The following TBXAS1 variants were observed in gnomAD, a reference collection of about 807,000 sequenced individuals.
TBXAS1 encodes the protein thromboxane-A synthase.
A neutral mutation model predicts 60.7 loss-of-function variants in TBXAS1; 48 were observed. The ratio of observed to expected loss-of-function variants is 0.79; its 90% CI spans 0.63 to 1.01. The LOEUF (loss-of-function observed/expected upper bound fraction) is 1.01, where lower values mean the gene tolerates loss of function less well. TBXAS1 is among the 50% of genes least tolerant of loss of function. TBXAS1 has a pLI of 0.00. For synonymous variants in TBXAS1, 287 were observed against 269.7 expected (o/e 1.06, Z -0.63); for missense variants, 685 against 686.3 (o/e 1.00, Z 0.02).
intron 9 of TBXAS1, among the ~76,000 whole-genome samples, chr7:139,978,575 G>A (rs1444147501): frequency 6.6e-6 from 1 of 151,680 alleles, no homozygotes; most frequent in Non-Finnish European, 1.5e-5. Context: ...TTGAACACGC[G>A]CTCTGTTCTT....
At chr7:139,835,825 A>G (rs1354132780) in intron 1 of TBXAS1, among the ~76,000 whole-genome samples, 1 of 152,182 alleles carries the variant, frequency 6.6e-6, no homozygotes, top group Non-Finnish European at 1.5e-5. Context: ...ATTGCTAAAG[A>G]GGAAGTCAAA....
chr7:139,868,652 A>ATTTT (rs71170918), intron 1 of TBXAS1, among the ~76,000 whole-genome samples: 7 of 105,032 alleles, frequency 6.7e-5, no homozygotes, highest in Non-Finnish European at 1.2e-4. Context: ...CCTGGCTAAT[A>ATTTT]TTTTTTTTTT....
intron 9 of TBXAS1, among the ~76,000 whole-genome samples, chr7:139,972,167 C>T (rs572122383): frequency 1.3e-5 from 2 of 152,350 alleles, no homozygotes; most frequent in African/African-American, 4.8e-5. Context: ...TGAGTCCCTG[C>T]AGAGCAGAGG....
chr7:140,011,470 G>A (rs549863356), intron 10 of TBXAS1, among the ~76,000 whole-genome samples: 16 of 152,280 alleles, frequency 1.1e-4, no homozygotes, highest in Admixed American at 9.8e-4. Flanking sequence ...CCCTTTAAAA[G>A]TAAAGCATAA....
At chr7:139,921,160 C>T (rs1806437848) in intron 4 of TBXAS1, among the ~76,000 whole-genome samples, 1 of 151,942 alleles carries the variant, frequency 6.6e-6, no homozygotes, top group Admixed American at 6.6e-5. Context: ...TCTATGTATT[C>T]CCCTATGTGA....
At chr7:139,800,610 G>A (rs992171457) in intron 4 of TBXAS1, among the ~76,000 whole-genome samples, 3 of 152,154 alleles carry the variant, frequency 2.0e-5, no homozygotes, top group African/African-American at 7.2e-5. Flanking sequence ...CAGACCTGAA[G>A]CTCCGAAAGA....
intron 4 of TBXAS1, among the ~76,000 whole-genome samples, chr7:139,922,983 C>T (rs1371663580): frequency 6.6e-6 from 1 of 152,132 alleles, no homozygotes; most frequent in East Asian, 1.9e-4. Context: ...TATCCTTGCA[C>T]CAATATCACA....
intron 4 of TBXAS1, among the ~76,000 whole-genome samples, chr7:139,932,894 A>G (rs1162879671): frequency 2.6e-5 from 4 of 152,096 alleles, no homozygotes; most frequent in Admixed American, 6.5e-5. Flanking sequence ...CCATCTCTAC[A>G]AAAAAACTTC....
chr7:139,814,526 A>G (rs1007366205), intron 4 of TBXAS1, among the ~76,000 whole-genome samples: 1 of 152,132 alleles, frequency 6.6e-6, no homozygotes, highest in Non-Finnish European at 1.5e-5. Context: ...CCATTGGAGG[A>G]AAGAACAGAT....
chr7:139,787,373 A>T (rs1405025718), exon 4 of TBXAS1: 5 of 152,182 alleles, frequency 3.3e-5, no homozygotes, highest in Non-Finnish European at 7.3e-5. Context: ...GGCTGATGTG[A>T]GCTAGTTTGT....
chr7:139,967,298 C>T (rs1364298074), intron 9 of TBXAS1, among the ~76,000 whole-genome samples: 1 of 152,226 alleles, frequency 6.6e-6, no homozygotes, highest in African/African-American at 2.4e-5. Context: ...GAGGGCACAT[C>T]AGCAATTCTG....
intron 4 of TBXAS1, among the ~76,000 whole-genome samples, chr7:139,809,558 G>A (rs1032044988): frequency 7.9e-5 from 12 of 152,118 alleles, no homozygotes; most frequent in African/African-American, 2.7e-4. Context: ...CTCAGTCCCC[G>A]TCTAAAGGCC....
intron 1 of TBXAS1, among the ~76,000 whole-genome samples, chr7:139,830,069 A>G (rs1407157344): frequency 1.3e-5 from 2 of 152,140 alleles, no homozygotes; most frequent in East Asian, 3.9e-4. Context: ...AAGGATCTCA[A>G]ACTTGAACTC....
At chr7:139,909,915 AC>A (rs1169739728) in intron 3 of TBXAS1, among the ~76,000 whole-genome samples, 2 of 152,160 alleles carry the variant, frequency 1.3e-5, no homozygotes, top group African/African-American at 4.8e-5. Context: ...TCCGGCACTC[AC>A]GGTTCCCCCA....
intron 1 of TBXAS1, among the ~76,000 whole-genome samples, chr7:139,856,267 T>C (rs1800578884): frequency 6.6e-6 from 1 of 152,196 alleles, no homozygotes; most frequent in South Asian, 2.1e-4. Flanking sequence ...TTTGTGGCAA[T>C]GCTCCTGCTA....
chr7:139,867,477 C>T (rs1801505266), intron 1 of TBXAS1, among the ~76,000 whole-genome samples: 1 of 152,152 alleles, frequency 6.6e-6, no homozygotes, highest in Non-Finnish European at 1.5e-5. Context: ...TCAGAAGTGG[C>T]TTCTTTGGCT....
intron 10 of TBXAS1, among the ~76,000 whole-genome samples, chr7:140,011,301 C>CA (rs1247223658): frequency 8.8e-5 from 7 of 79,860 alleles, no homozygotes; most frequent in Middle Eastern, 6.3e-3. Context: ...AACAAACAAA[C>CA]AAAAAAAACA....
intron 3 of TBXAS1, among the ~76,000 whole-genome samples, chr7:139,890,106 A>G (rs1462080008): frequency 1.3e-5 from 2 of 151,956 alleles, no homozygotes; most frequent in Non-Finnish European, 2.9e-5. Flanking sequence ...TACATGGGGA[A>G]TAGCAAAAGG....
At chr7:140,001,522 G>T (rs1813673345) in intron 9 of TBXAS1, among the ~76,000 whole-genome samples, 1 of 152,014 alleles carries the variant, frequency 6.6e-6, no homozygotes, top group Middle Eastern at 3.2e-3. Flanking sequence ...CTCCCAAGTA[G>T]CTGGGATTAC....
Sources: gnomAD v4.1 joint callset for allele counts (sites outside exome capture counted in the v4.1 genomes callset) on GRCh38, gnomAD v4.1.1 for gene constraint, MANE v1.5 for transcripts, NCBI Gene and HGNC (gene_info 2026-07-23, HGNC 2026-07-21) for gene names.